CSMD2: variants seen among roughly 807,000 people sequenced by gnomAD.
CSMD2 encodes CUB and sushi domain-containing protein 2.
Under a neutral mutation model 398.5 loss-of-function variants are expected in CSMD2, and 130 were observed. The ratio of observed to expected loss-of-function variants is 0.33; its 90% CI spans 0.28 to 0.38. The LOEUF (loss-of-function observed/expected upper bound fraction) is 0.38, where lower values mean the gene tolerates loss of function less well. Ranked by LOEUF, CSMD2 falls within the 10% of genes least tolerant of loss-of-function variation. The pLI is 1.00. For synonymous variants in CSMD2, 1,828 were observed against 1,908.5 expected, an observed-to-expected ratio of 0.96 and a Z score of 1.10; for missense variants, 3,829 against 4,764.9, an observed-to-expected ratio of 0.80 and a Z score of 5.78.
At chr1:33,612,673 T>G (rs896106601) in intron 40 of CSMD2, among the ~76,000 whole-genome samples, 1 of 142,198 alleles carries the variant, frequency 7.0e-6, no homozygotes, top group Non-Finnish European at 1.5e-5. Flanking sequence ...TGCAGATAAT[T>G]TTGTGATGGT....
intron 10 of CSMD2, among the ~76,000 whole-genome samples, chr1:33,798,087 T>A (rs1655161079): frequency 6.6e-6 from 1 of 152,178 alleles, no homozygotes; most frequent in South Asian, 2.1e-4. Flanking sequence ...TCTCTTTTTT[T>A]CGTTTCTTTT....
intron 5 of CSMD2, among the ~76,000 whole-genome samples, chr1:33,901,511 G>A (rs1296407863): frequency 3.9e-5 from 6 of 152,222 alleles, no homozygotes; most frequent in Non-Finnish European, 7.3e-5. Flanking sequence ...GTGCCAGTGC[G>A]TCGTAGGAGC....
chr1:33,968,530 A>G (rs1020674536), intron 3 of CSMD2, among the ~76,000 whole-genome samples: 2 of 152,234 alleles, frequency 1.3e-5, no homozygotes, highest in South Asian at 4.1e-4. Flanking sequence ...GGCTTGATCA[A>G]GGAAGGGTCC....
chr1:34,135,559 C>T (rs1571229618), intron 1 of CSMD2, among the ~76,000 whole-genome samples: 1 of 126,730 alleles, frequency 7.9e-6, no homozygotes, highest in Admixed American at 1.0e-4. Context: ...CGGAGGTTGC[C>T]GTGAGCAGAG....
At chr1:34,154,928 AT>A (rs1170514413) in intron 1 of CSMD2, among the ~76,000 whole-genome samples, 3 of 152,090 alleles carry the variant, frequency 2.0e-5, no homozygotes, top group African/African-American at 7.2e-5. Flanking sequence ...GGGTTTTGCC[AT>A]TTTGATCAGG....
At chr1:33,792,198 C>T (rs1461945457) in intron 11 of CSMD2, among the ~76,000 whole-genome samples, 2 of 152,180 alleles carry the variant, frequency 1.3e-5, no homozygotes, top group Non-Finnish European at 2.9e-5. Context: ...ACAGACTGCT[C>T]ATTCTATTCA....
intron 3 of CSMD2, among the ~76,000 whole-genome samples, chr1:34,016,571 C>T (rs1200646096): frequency 6.6e-6 from 1 of 152,056 alleles, no homozygotes; most frequent in Non-Finnish European, 1.5e-5. Context: ...CCAGAAACAC[C>T]ATTTGACCCA....
rs548723469 is a variant in CSMD2 at position 33,666,805 on chromosome 1, T to G, written c.4053-3713A>C. ...GCCTTCTCTGCTTTCTCTGTGGTGA[T>G]CAATGCACTGTGAAATCAGCAGCCA... is the stretch of plus-strand genomic sequence containing the variant. On this transcript the variant is annotated intron_variant, in intron 25 of 70. Transcript: ENST00000373381. 3.3e-5 allele frequency among the ~76,000 whole-genome samples: 5 copies of G among 152,212 alleles called. No individual in the cohort carries two copies. In the South Asian group the frequency reaches 1.0e-3, roughly 32 times the overall value.
At chr1:33,846,470 G>A (rs1024565631) in intron 6 of CSMD2, among the ~76,000 whole-genome samples, 45 of 152,228 alleles carry the variant, frequency 3.0e-4, no homozygotes, top group African/African-American at 1.0e-3. Context: ...GAGTTCAGAT[G>A]GCCTTGGGAA....
intron 1 of CSMD2, among the ~76,000 whole-genome samples, chr1:34,149,053 A>G (rs1310890453): frequency 1.1e-4 from 17 of 152,168 alleles, no homozygotes; most frequent in Admixed American, 1.1e-3. Context: ...CTCAAACCCA[A>G]GGAATGAATG....
chr1:34,014,026 G>A (rs562886187), intron 3 of CSMD2, among the ~76,000 whole-genome samples: 1 of 152,094 alleles, frequency 6.6e-6, no homozygotes, highest in Non-Finnish European at 1.5e-5. Context: ...ACTGCCCGTT[G>A]ATCCCCCCAA....
intron 12 of CSMD2, among the ~76,000 whole-genome samples, chr1:33,782,194 C>G (rs1256949816): frequency 1.3e-5 from 2 of 150,422 alleles, no homozygotes; most frequent in Non-Finnish European, 3.0e-5. Context: ...CGCCCCCCAA[C>G]CCCTGCTCGT....
chr1:33,696,268 G>A (rs538786543), intron 24 of CSMD2, among the ~76,000 whole-genome samples: 6 of 152,320 alleles, frequency 3.9e-5, no homozygotes, highest in Admixed American at 1.3e-4. Flanking sequence ...CTAGAAATAG[G>A]AGAAGAAGGG....
At chr1:34,121,731 C>G (rs1186616831) in intron 1 of CSMD2, among the ~76,000 whole-genome samples, 1 of 152,148 alleles carries the variant, frequency 6.6e-6, no homozygotes, top group Non-Finnish European at 1.5e-5. Flanking sequence ...GAGTGGGACC[C>G]TGGCTATGGT....
chr1:33,714,530 G>A (rs1646097871), intron 21 of CSMD2, 57 bp downstream of exon 21: 2 of 1,567,770 alleles, frequency 1.3e-6, no homozygotes, highest in Non-Finnish European at 1.7e-6. Context: ...CACATCAATT[G>A]ACTATAATCT....
At chr1:33,755,455 T>G (rs1212448091) in intron 13 of CSMD2, among the ~76,000 whole-genome samples, 1 of 152,188 alleles carries the variant, frequency 6.6e-6, no homozygotes, top group Non-Finnish European at 1.5e-5. Context: ...AAGATTAAGT[T>G]AACTTTAGGC....
chr1:33,817,013 T>G (rs770649416), intron 9 of CSMD2, among the ~76,000 whole-genome samples: 1 of 152,250 alleles, frequency 6.6e-6, no homozygotes, highest in Non-Finnish European at 1.5e-5. Flanking sequence ...TGGAACTTCT[T>G]GGAATGGAAA....
intron 2 of CSMD2, among the ~76,000 whole-genome samples, chr1:34,057,513 T>C (rs1653973800): frequency 6.6e-6 from 1 of 152,094 alleles, no homozygotes; most frequent in Admixed American, 6.5e-5. Context: ...CTTACACTGA[T>C]TGGTGTCTCA....
chr1:34,053,855 T>G (rs1653507080), intron 2 of CSMD2, among the ~76,000 whole-genome samples: 1 of 152,164 alleles, frequency 6.6e-6, no homozygotes, highest in African/African-American at 2.4e-5. Flanking sequence ...TTTATCACAA[T>G]AAGACCCATT....
Sources: allele counts gnomAD v4.1 joint callset (sites outside exome capture counted in the v4.1 genomes callset), GRCh38; gene constraint gnomAD v4.1.1; transcripts MANE v1.5; gene names NCBI Gene and HGNC (gene_info 2026-07-23, HGNC 2026-07-21).